PPFIA2: variants seen among roughly 807,000 people sequenced by gnomAD.
PPFIA2 encodes the protein liprin-alpha-2.
PPFIA2 carries 46 observed loss-of-function variants against 175.5 expected under a neutral mutation model. The ratio of observed to expected loss-of-function variants is 0.26; its 90% CI spans 0.21 to 0.34. The LOEUF (loss-of-function observed/expected upper bound fraction) is 0.34, where lower values mean the gene tolerates loss of function less well. Ranked by LOEUF, PPFIA2 falls within the 10% of genes least tolerant of loss-of-function variation. The pLI is 1.00. For synonymous variants in PPFIA2, 568 were observed against 511.4 expected (o/e 1.11, Z -1.49); for missense variants, 1,179 against 1,506.1 (o/e 0.78, Z 3.60).
At chr12:81,329,825 G>A (rs1408741681) in intron 21 of PPFIA2, among the ~76,000 whole-genome samples, 3 of 152,310 alleles carry the variant, frequency 2.0e-5, no homozygotes, top group East Asian at 1.9e-4. Flanking sequence ...GTGTCTGAAC[G>A]GTAACTGAGA....
chr12:81,494,461 A>T (rs1395348077), intron 4 of PPFIA2, among the ~76,000 whole-genome samples: 1 of 152,096 alleles, frequency 6.6e-6, no homozygotes, highest in Non-Finnish European at 1.5e-5. Context: ...CTGGTGAGGA[A>T]GTGGAGAAAT....
At chr12:81,396,423 G>A (rs569511662) in intron 8 of PPFIA2, among the ~76,000 whole-genome samples, 11 of 152,124 alleles carry the variant, frequency 7.2e-5, no homozygotes, top group Admixed American at 3.3e-4. Context: ...GATGGAAGTG[G>A]GGAAGTTAGC....
At chr12:81,277,117 T>C (rs754805792) in intron 28 of PPFIA2, among the ~76,000 whole-genome samples, 200 bp downstream of exon 28, 3 of 152,082 alleles carry the variant, frequency 2.0e-5, no homozygotes, top group Non-Finnish European at 4.4e-5. Context: ...ACTCCCCAAA[T>C]GGGATATTCA....
chr12:81,673,887 A>C (rs2071926049), intron 4 of PPFIA2, among the ~76,000 whole-genome samples: 1 of 151,968 alleles, frequency 6.6e-6, no homozygotes, highest in Admixed American at 6.6e-5. Context: ...TTTCTTTATT[A>C]ACATTAAAAC....
chr12:81,378,871 CCTT>C (rs1453693300), intron 9 of PPFIA2, among the ~76,000 whole-genome samples: 1 of 152,134 alleles, frequency 6.6e-6, no homozygotes, highest in Non-Finnish European at 1.5e-5. Context: ...CCGTGCTTCA[CCTT>C]CTTCATATAT....
chr12:81,655,477 CAT>C lies in PPFIA2; in HGVS notation c.303+21312_303+21313del, dbSNP rs552320409. 1.5e-4 allele frequency among the ~76,000 whole-genome samples: 23 copies of C among 151,978 alleles called. No homozygotes were observed. In the South Asian group the frequency reaches 4.6e-3, roughly 30 times the overall value. The stretch of plus-strand genomic sequence containing the variant: ...TAAGTTGGGTTTTAACTGCCTTCCA[CAT>C]GTGTCAATATGTAGTATCTCAAAAT... On this transcript the variant is annotated intron_variant, in intron 4 of 32. Coordinates refer to ENST00000549396, the MANE Select transcript of PPFIA2 (RefSeq NM_003625.5).
At chr12:81,477,178 C>T (rs2057580193) in intron 4 of PPFIA2, among the ~76,000 whole-genome samples, 1 of 151,152 alleles carries the variant, frequency 6.6e-6, no homozygotes, top group Non-Finnish European at 1.5e-5. Context: ...ATGTAACAAA[C>T]GTGCACATAC....
At chr12:81,356,912 T>C (rs1053361897) in intron 16 of PPFIA2, among the ~76,000 whole-genome samples, 4 of 152,186 alleles carry the variant, frequency 2.6e-5, no homozygotes, top group Non-Finnish European at 4.4e-5. Flanking sequence ...CATGGTTATG[T>C]TTTTTAAATG....
At chr12:81,588,174 G>C (rs2075553247) in intron 4 of PPFIA2, among the ~76,000 whole-genome samples, 1 of 144,182 alleles carries the variant, frequency 6.9e-6, no homozygotes, top group Non-Finnish European at 1.6e-5. Flanking sequence ...TAATAGTCCA[G>C]GATGGGGTTG....
intron 4 of PPFIA2, among the ~76,000 whole-genome samples, chr12:81,547,714 GAC>G (rs1411652104): frequency 2.0e-5 from 3 of 152,122 alleles, no homozygotes; most frequent in South Asian, 4.2e-4. Flanking sequence ...ATAATCTGTT[GAC>G]ACTCTATAAA....
intron 32 of PPFIA2, chr12:81,260,921 C>T (rs1049304430): frequency 6.6e-6 from 1 of 152,082 alleles, no homozygotes; most frequent in Non-Finnish European, 1.5e-5. Context: ...GAACATTTGA[C>T]ATTTATAAAT....
intron 4 of PPFIA2, among the ~76,000 whole-genome samples, chr12:81,592,028 T>C (rs574793572): frequency 6.6e-6 from 1 of 152,212 alleles, no homozygotes; most frequent in Admixed American, 6.5e-5. Context: ...AGGGGTGGAA[T>C]TGCCCATGAC....
intron 4 of PPFIA2, among the ~76,000 whole-genome samples, chr12:81,536,529 A>G (rs1421372498): frequency 1.3e-5 from 2 of 151,098 alleles, no homozygotes; most frequent in Non-Finnish European, 3.0e-5. Context: ...CTTTTCCTTA[A>G]AGTTCCAAAA....
chr12:81,649,169 G>A (rs1296530704), intron 4 of PPFIA2, among the ~76,000 whole-genome samples: 1 of 152,022 alleles, frequency 6.6e-6, no homozygotes, highest in African/African-American at 2.4e-5. Flanking sequence ...AAAAAGGCAT[G>A]CAACAGATTC....
At position 81,299,475 on chromosome 12, in the gene PPFIA2, C is replaced by T. The variant is rs566212765; in HGVS notation, c.2643-93G>A. On this transcript the variant is annotated intron_variant, in intron 22 of 32. Coordinates refer to ENST00000549396, the MANE Select transcript of PPFIA2 (RefSeq NM_003625.5). ...TAATATTTTAAAATAACCAATCATC[C>T]TTTACAAGATTTTTTATGATACAAT... The T allele has an allele frequency of 9.7e-6, 14 of 1,448,054 alleles. No individual in the cohort carries two copies. In the East Asian group the frequency reaches 1.3e-4, roughly 13 times the overall value. 89.7% of individuals were successfully genotyped at this position (1,448,054 alleles called of 1,614,324 possible). A position where few individuals can be genotyped will look rare whatever the true frequency, so the allele number is the denominator to read the frequency against.
intron 3 of PPFIA2, among the ~76,000 whole-genome samples, chr12:81,697,603 C>T (rs1335262381): frequency 2.6e-5 from 4 of 152,104 alleles, no homozygotes; most frequent in East Asian, 1.9e-4. Flanking sequence ...TAATAACATT[C>T]GTCCAGAAAC....
intron 4 of PPFIA2, among the ~76,000 whole-genome samples, chr12:81,474,890 A>T (rs2057283678): frequency 6.6e-6 from 1 of 152,230 alleles, no homozygotes; most frequent in Non-Finnish European, 1.5e-5. Flanking sequence ...TCACTAGCAG[A>T]TACAAAAGAG....
chr12:81,587,566 TGTAAA>T (rs2075466485), intron 4 of PPFIA2, among the ~76,000 whole-genome samples: 2 of 152,032 alleles, frequency 1.3e-5, no homozygotes, highest in African/African-American at 2.4e-5. Flanking sequence ...TCTTGTTATT[TGTAAA>T]GTATTTTGAA....
chr12:81,653,352 T>G (rs10778821), intron 4 of PPFIA2, among the ~76,000 whole-genome samples: 6 of 151,788 alleles, frequency 4.0e-5, no homozygotes, highest in African/African-American at 1.5e-4. Context: ...CACAGTTAGA[T>G]CCTTTGTTCC....
Sources: gnomAD v4.1 joint callset for allele counts (sites outside exome capture counted in the v4.1 genomes callset) on GRCh38, gnomAD v4.1.1 for gene constraint, MANE v1.5 for transcripts, NCBI Gene and HGNC (gene_info 2026-07-23, HGNC 2026-07-21) for gene names.